The following MOG variants were observed in gnomAD, a reference collection of about 807,000 sequenced individuals.
The protein encoded by MOG is myelin-oligodendrocyte glycoprotein.
MOG carries 20 observed loss-of-function variants against 35.9 expected under a neutral mutation model. That is an observed-to-expected ratio of 0.56 (90% CI 0.39 to 0.81). The LOEUF is 0.81. MOG is among the 30% of genes least tolerant of loss of function. MOG has a pLI of 0.00. For synonymous variants in MOG, 92 were observed against 114.3 expected, an observed-to-expected ratio of 0.80 and a Z score of 1.25; for missense variants, 251 against 301.0, an observed-to-expected ratio of 0.83 and a Z score of 1.23.
At chr6:29,663,237 A>G (rs1199424074) in intron 2 of MOG, among the ~76,000 whole-genome samples, 1 of 136,426 alleles carries the variant, frequency 7.3e-6, no homozygotes, top group Non-Finnish European at 1.5e-5. Flanking sequence ...ATGCCACTGC[A>G]CTCCAGCCTG....
At chr6:29,667,394 G>C (rs1770449153) in intron 3 of MOG, among the ~76,000 whole-genome samples, 1 of 152,184 alleles carries the variant, frequency 6.6e-6, no homozygotes, top group Non-Finnish European at 1.5e-5. Flanking sequence ...AGAGCAGCTG[G>C]GATGTATTGG....
intron 2 of MOG, chr6:29,661,584 G>A (rs1768746152): frequency 1.0e-6 from 1 of 969,612 alleles, no homozygotes; most frequent in Non-Finnish European, 1.2e-6. Context: ...ACTTTGGGAG[G>A]CCGAGGCGGG....
intron 2 of MOG, chr6:29,661,747 C>T (rs1165290729): frequency 9.6e-6 from 9 of 939,428 alleles, no homozygotes; most frequent in African/African-American, 2.0e-5. Flanking sequence ...ACCCCGGAGG[C>T]GGAGGTTGCA....
Position 29,670,781 on chromosome 6 carries a change from G to A in MOG, c.730+60G>A. On this transcript the variant is annotated intron_variant, in intron 7 of 7. Transcript: ENST00000376917. This position sits in a 1 kb window ranked among gnomAD's most constrained non-coding sequence, Gnocchi z 4.2. ...AAAAAGCCAGGAAAGGGAGACAGAA[G>A]CAACAAGAGGAAGAGGCGGGCTATT... 2.5e-6 allele frequency: 4 copies of A among 1,603,572 alleles called. No individual in the cohort carries two copies. The highest frequency in any genetic ancestry group is 2.6e-6 in the Non-Finnish European group (3 of 1,174,892).
At chr6:29,660,562 G>GCACA (rs35514085) in intron 2 of MOG, among the ~76,000 whole-genome samples, 2,065 of 129,150 alleles carry the variant, frequency 0.016, 41 homozygotes, top group African/African-American at 0.045. Context: ...ATTTGTGAGC[G>GCACA]CACACACACA....
intron 2 of MOG, chr6:29,661,225 A>G: frequency 7.2e-6 from 2 of 279,694 alleles, no homozygotes; most frequent in Non-Finnish European, 1.1e-5. Context: ...CAAACATCAG[A>G]CAATTGATCA....
chr6:29,661,994 C>G, intron 2 of MOG: 1 of 985,330 alleles, frequency 1.0e-6, no homozygotes, highest in South Asian at 4.7e-5. Context: ...TTTGTCTAGG[C>G]TTTGGAGCCA....
intron 2 of MOG, among the ~76,000 whole-genome samples, chr6:29,664,424 C>T (rs1739393608): frequency 6.6e-6 from 1 of 152,044 alleles, no homozygotes; most frequent in African/African-American, 2.4e-5. Flanking sequence ...CCAAGCCGGT[C>T]TCGAACTCCT....
chr6:29,664,799 G>T lies in MOG; in HGVS notation c.437-1353G>T, dbSNP rs1160606690. On this transcript the variant is annotated intron_variant, in intron 2 of 7. Transcript: ENST00000376917. ...TTTAATTTTTTTTCGTAGAGGCAGGGTCTCACATTATGTTGCCCAGTCTGG... is the reference window on the plus strand; with the variant it reads ...TTTAATTTTTTTTCGTAGAGGCAGGTTCTCACATTATGTTGCCCAGTCTGG... 2.1e-5 allele frequency: 7 copies of T among 334,460 alleles called. No homozygotes were observed. The Admixed American group carries it at 2.1e-4, about 10-fold the overall frequency. 20.7% of individuals were successfully genotyped at this position (334,460 alleles called of 1,614,324 possible).
chr6:29,662,973 T>C lies in MOG; in HGVS notation c.437-3179T>C, dbSNP rs1769196361. Among the ~76,000 whole-genome samples the C allele has an allele frequency of 6.6e-6, 1 of 152,046 alleles. No individual in the cohort carries two copies. The highest frequency in any genetic ancestry group is 2.4e-5 in the African/African-American group (1 of 41,386). ...CCACTGCACCCAGCGAAGAACACTT[T>C]TTAAAAAATAAATAGGCCGGGCGCG... is the stretch of plus-strand genomic sequence containing the variant. On this transcript the variant is annotated intron_variant, in intron 2 of 7. Coordinates refer to ENST00000376917, the MANE Select transcript of MOG (RefSeq NM_206809.4). The surrounding 1 kb of genome is among the most constrained non-coding windows in gnomAD (Gnocchi z 4.2).
At chr6:29,657,663 C>CTTTTTTTT (rs9278226) in intron 1 of MOG, among the ~76,000 whole-genome samples, 128 of 110,008 alleles carry the variant, frequency 1.2e-3, no homozygotes, top group African/African-American at 1.4e-3. Flanking sequence ...TTTTTCTTTT[C>CTTTTTTTT]TTTTTTTTTT....
chr6:29,665,977 A>G (rs566095069), intron 2 of MOG, among the ~76,000 whole-genome samples, 175 bp from the exon 3 acceptor site: 7 of 131,406 alleles, frequency 5.3e-5, no homozygotes, highest in South Asian at 2.1e-4. Context: ...CATTTCCTGG[A>G]AAAAAAAGCC....
At chr6:29,660,479 A>G (rs1768337866) in intron 2 of MOG, among the ~76,000 whole-genome samples, 1 of 149,626 alleles carries the variant, frequency 6.7e-6, no homozygotes, top group Non-Finnish European at 1.5e-5. Context: ...GCAGTGAGCC[A>G]AAATCCTTCC....
intron 2 of MOG, among the ~76,000 whole-genome samples, chr6:29,660,224 A>C (rs550571032): frequency 6.6e-6 from 1 of 152,080 alleles, no homozygotes; most frequent in Admixed American, 6.6e-5. Context: ...CAAAAACAAA[A>C]ACAAAAAAAC....
intron 3 of MOG, among the ~76,000 whole-genome samples, chr6:29,666,806 T>C (rs1372519377): frequency 6.6e-6 from 1 of 152,182 alleles, no homozygotes; most frequent in Non-Finnish European, 1.5e-5. Context: ...GAGCTTTCAT[T>C]CTGAGCCTTC....
intron 5 of MOG, 105 bp downstream of exon 5, chr6:29,668,029 C>A (rs1770609579): frequency 2.0e-6 from 2 of 1,005,388 alleles, no homozygotes; most frequent in African/African-American, 1.6e-5. Flanking sequence ...GAGTCCCTTC[C>A]TCTCTTCTCT....
chr6:29,663,710 T>C (rs923934302), intron 2 of MOG, among the ~76,000 whole-genome samples: 7 of 152,176 alleles, frequency 4.6e-5, no homozygotes, highest in African/African-American at 1.2e-4. Context: ...TTTCTAATTA[T>C]TTGTGAAAGG....
chr6:29,663,951 T>G, intron 2 of MOG: 1 of 960,516 alleles, frequency 1.0e-6, no homozygotes, highest in Non-Finnish European at 1.2e-6. Context: ...CTACCTTTGA[T>G]GTCATTATCC....
intron 1 of MOG, among the ~76,000 whole-genome samples, chr6:29,657,663 CTTTTTTTTTTTT>C (rs9278226): frequency 1.8e-5 from 2 of 110,048 alleles, no homozygotes; most frequent in Non-Finnish European, 3.6e-5. Context: ...TTTTTCTTTT[CTTTTTTTTTTTT>C]TTTTTTTTTG....
Sources: allele counts gnomAD v4.1 joint callset (sites outside exome capture counted in the v4.1 genomes callset), GRCh38; gene constraint gnomAD v4.1.1; non-coding constraint Gnocchi (gnomAD v3.1); transcripts MANE v1.5; gene names NCBI Gene and HGNC (gene_info 2026-07-23, HGNC 2026-07-21).